Variants in CALN1 observed in about 807,000 individuals in gnomAD.
CALN1 encodes calcium-binding protein 8.
In CALN1, 17 loss-of-function variants were observed where a neutral mutation model predicts 30.6. The observed-to-expected ratio is 0.56, with a 90% CI of 0.38 to 0.83. The LOEUF is 0.83. CALN1 is among the 40% of genes least tolerant of loss of function. The pLI, the probability that CALN1 is intolerant of heterozygous loss-of-function variation, is 0.00. For synonymous variants in CALN1, 156 were observed against 131.4 expected (o/e 1.19, Z -1.28); for missense variants, 291 against 354.9 (o/e 0.82, Z 1.45).
intron 3 of CALN1, among the ~76,000 whole-genome samples, chr7:72,145,668 A>T (rs2129543759): frequency 6.6e-6 from 1 of 152,334 alleles, no homozygotes; most frequent in Non-Finnish European, 1.5e-5. Flanking sequence ...GACACAACAA[A>T]AAAAGAGAAT....
intron 5 of CALN1, among the ~76,000 whole-genome samples, chr7:71,962,702 A>T (rs143505651): frequency 1.3e-3 from 201 of 152,308 alleles, no homozygotes; most frequent in African/African-American, 4.5e-3. Flanking sequence ...TGAGGAGAAG[A>T]TTTCTCTTCC....
chr7:71,876,733 T>C (rs994227755), intron 5 of CALN1, among the ~76,000 whole-genome samples: 1 of 152,204 alleles, frequency 6.6e-6, no homozygotes, highest in African/African-American at 2.4e-5. Flanking sequence ...AAAAGTTCAA[T>C]AAATGCTAGC....
intron 1 of CALN1, among the ~76,000 whole-genome samples, chr7:72,424,417 T>A (rs1456024359): frequency 6.6e-6 from 1 of 152,158 alleles, no homozygotes; most frequent in Non-Finnish European, 1.5e-5. Context: ...GGGACTAAAA[T>A]GTGTAGTGCC....
At chr7:72,156,722 T>A (rs1787707607) in intron 3 of CALN1, among the ~76,000 whole-genome samples, 1 of 152,214 alleles carries the variant, frequency 6.6e-6, no homozygotes, top group Admixed American at 6.5e-5. Flanking sequence ...TCTGTTTGTA[T>A]CATAATCTCC....
At chr7:72,447,842 C>T (rs1808573796), upstream of CALN1, among the ~76,000 whole-genome samples, 1 of 151,702 alleles carries the variant, frequency 6.6e-6, no homozygotes, top group African/African-American at 2.4e-5. Context: ...CACCCGTGTA[C>T]ACACACATTC....
intron 5 of CALN1, among the ~76,000 whole-genome samples, chr7:71,904,294 A>T (rs1237949558): frequency 6.6e-6 from 1 of 152,204 alleles, no homozygotes; most frequent in Non-Finnish European, 1.5e-5. Context: ...ATATGGAATT[A>T]ATCTGTCTAT....
chr7:72,205,271 C>T (rs1791744687), intron 3 of CALN1, among the ~76,000 whole-genome samples: 1 of 151,578 alleles, frequency 6.6e-6, no homozygotes, highest in Admixed American at 6.6e-5. Context: ...AGTGTGATCT[C>T]AGCTCACCGC....
At chr7:72,290,738 A>G (rs2086230282) in intron 2 of CALN1, among the ~76,000 whole-genome samples, 1 of 152,060 alleles carries the variant, frequency 6.6e-6, no homozygotes, top group African/African-American at 2.4e-5. Context: ...AATTATTTGC[A>G]AATTTGTACT....
At chr7:72,117,586 G>A (rs1808075721) in intron 3 of CALN1, among the ~76,000 whole-genome samples, 1 of 152,214 alleles carries the variant, frequency 6.6e-6, no homozygotes, top group South Asian at 2.1e-4. Context: ...GTGCTTGGGG[G>A]TCCCTTTGGC....
the CALN1 span, among the ~76,000 whole-genome samples, chr7:72,456,814 C>A: frequency 1.3e-5 from 2 of 151,772 alleles, no homozygotes; most frequent in African/African-American, 4.8e-5. Context: ...CCACTGTACT[C>A]CAGCCTAGGA....
intron 4 of CALN1, among the ~76,000 whole-genome samples, chr7:72,074,418 GT>G (rs1016466931): frequency 2.6e-5 from 4 of 152,122 alleles, no homozygotes; most frequent in Non-Finnish European, 5.9e-5. Flanking sequence ...AATATACCTT[GT>G]TTTTTTGAGA....
At chr7:72,148,804 C>T (rs2129543995) in intron 3 of CALN1, among the ~76,000 whole-genome samples, 1 of 151,968 alleles carries the variant, frequency 6.6e-6, no homozygotes, top group East Asian at 1.9e-4. Flanking sequence ...ACTCAGGAGG[C>T]TGAGGCAGGA....
At chr7:72,455,720 G>A in the CALN1 span, among the ~76,000 whole-genome samples, 6 of 152,218 alleles carry the variant, frequency 3.9e-5, no homozygotes, top group Admixed American at 6.5e-5. Context: ...TGATGGAGGC[G>A]AGATTGCTCC....
At chr7:72,126,079 G>A (rs141204890) in intron 3 of CALN1, among the ~76,000 whole-genome samples, 152 of 152,254 alleles carry the variant, frequency 1.0e-3, no homozygotes, top group African/African-American at 3.3e-3. Flanking sequence ...GATTACAGGC[G>A]TGAGCCACCG....
At chr7:71,900,797 G>C (rs1016660211) in intron 5 of CALN1, among the ~76,000 whole-genome samples, 2 of 152,190 alleles carry the variant, frequency 1.3e-5, no homozygotes, top group African/African-American at 4.8e-5. Flanking sequence ...TCGTTATGCT[G>C]AACTTTGCTC....
At chr7:72,454,783 G>T in the CALN1 span, among the ~76,000 whole-genome samples, 12 of 150,596 alleles carry the variant, frequency 8.0e-5, no homozygotes, top group South Asian at 1.9e-3. Flanking sequence ...CCTCCTCTCC[G>T]TTCCCACTGC....
At chr7:72,205,961 C>A (rs373254975) in intron 3 of CALN1, among the ~76,000 whole-genome samples, 18 of 152,148 alleles carry the variant, frequency 1.2e-4, no homozygotes, top group African/African-American at 1.7e-4. Context: ...TTGCCATATA[C>A]TAGCCAAATA....
At chr7:71,974,121 A>G (rs1415561704) in intron 5 of CALN1, among the ~76,000 whole-genome samples, 1 of 152,134 alleles carries the variant, frequency 6.6e-6, no homozygotes, top group East Asian at 1.9e-4. Context: ...CATCCTTGCA[A>G]TAAAGACACA....
chr7:72,264,026 AC>A (rs906779938), intron 3 of CALN1, among the ~76,000 whole-genome samples: 11 of 152,314 alleles, frequency 7.2e-5, no homozygotes, highest in African/African-American at 2.6e-4. Flanking sequence ...GAGCTCCTGC[AC>A]GCGGCCCAAT....
Sources: gnomAD v4.1 joint callset for allele counts (sites outside exome capture counted in the v4.1 genomes callset) on GRCh38, gnomAD v4.1.1 for gene constraint, MANE v1.5 for transcripts, NCBI Gene and HGNC (gene_info 2026-07-23, HGNC 2026-07-21) for gene names.